AKAP9: variants seen among roughly 807,000 people sequenced by gnomAD.
The protein encoded by AKAP9 is A-kinase anchoring protein 9, also known as A-kinase anchor protein 9.
A neutral mutation model predicts 488.5 loss-of-function variants in AKAP9; 311 were observed. That is an observed-to-expected ratio of 0.64 (90% CI 0.58 to 0.70). AKAP9 has a LOEUF of 0.70. Among genes scored for constraint, AKAP9 ranks in the 30% least tolerant of loss-of-function variants. AKAP9 has a pLI of 0.00. For synonymous variants in AKAP9, 1,462 were observed against 1,483.5 expected, an observed-to-expected ratio of 0.99 and a Z score of 0.33; for missense variants, 4,215 against 4,374.5, an observed-to-expected ratio of 0.96 and a Z score of 1.03.
chr7:91,941,501 C>T (rs544967254), intron 1 of AKAP9, among the ~76,000 whole-genome samples: 2 of 152,222 alleles, frequency 1.3e-5, no homozygotes, highest in East Asian at 3.9e-4. Context: ...GTGGTGCAGG[C>T]ATTGTGCTTT....
In AKAP9 at chr7:92,105,985, A is replaced by G. The variant is rs9690778; in HGVS notation, c.11416+222A>G. ...AATCCTATTGTGAACTGCACATGTGAGGAATCTAGGTTGTGTGCTCCTTAT... is the reference window on the plus strand; with the variant it reads ...AATCCTATTGTGAACTGCACATGTGGGGAATCTAGGTTGTGTGCTCCTTAT... On this transcript the variant is annotated intron_variant, in intron 47 of 49. Coordinates refer to ENST00000356239, the MANE Select transcript of AKAP9 (RefSeq NM_005751.5). Among the ~76,000 whole-genome samples the G allele has an allele frequency of 0.4, 60,807 of 152,070 alleles. 12,501 individuals carry two copies. Among genetic ancestry groups the G allele is most frequent in the African/African-American group, 0.47 (19,374 of 41,494 alleles).
intron 30 of AKAP9, among the ~76,000 whole-genome samples, chr7:92,078,396 C>T (rs1204964309): frequency 6.6e-6 from 1 of 151,978 alleles, no homozygotes; most frequent in Non-Finnish European, 1.5e-5. Context: ...CCTAGGTGGG[C>T]GGATTGCTTG....
intron 31 of AKAP9, 124 bp from the exon 32 acceptor site, chr7:92,082,398 G>T (rs959693597): frequency 2.9e-6 from 3 of 1,017,560 alleles, no homozygotes; most frequent in Admixed American, 4.7e-5. Context: ...GCATTGATTT[G>T]TTCCAACTCC....
At position 92,031,594 on chromosome 7, in the gene AKAP9, A is replaced by T. The variant is rs773257553; in HGVS notation, c.4328A>T (p.Glu1443Val). The T allele has an allele frequency of 2.5e-5, 40 of 1,607,534 alleles. No homozygotes were observed. Among genetic ancestry groups the T allele is most frequent in the Non-Finnish European group, 3.0e-5 (35 of 1,174,556 alleles). The change falls in exon 16 of 50, where the codon GAA (glutamate) becomes GTA (valine). Residue 1443 changes from glutamate to valine, a missense_variant. Coordinates refer to ENST00000356239, the MANE Select transcript of AKAP9 (RefSeq NM_005751.5). ...CAATACCAAGAACAATTAGAAGAAG[A>T]AGTAGCTAAGGTAGGCTTATAGCTT... ...EKQYQEQLEE[E>V]VAKVIVSMSI...
chr7:91,974,092 A>G (rs916985411), intron 2 of AKAP9, 124 bp downstream of exon 2: 16 of 1,148,448 alleles, frequency 1.4e-5, no homozygotes, highest in Non-Finnish European at 1.9e-5. Flanking sequence ...TTTTAGTAGT[A>G]TGGTAACTAA....
chr7:92,097,300 A>C lies in AKAP9; in HGVS notation c.10341A>C (p.Glu3447Asp). Residue 3447 changes from glutamate (E) to aspartate (D), a missense_variant, in exon 41 of 50, where the codon GAA becomes GAC. Glu to Asp is a conservative substitution (Grantham distance 45, BLOSUM62 2). Transcript: ENST00000356239. ...TCATGCAGGAATTCCAGAAGCAAGAACTAGAACGAGAAGAAAAACGAGAAA... is the reference window on the plus strand; with the variant it reads ...TCATGCAGGAATTCCAGAAGCAAGACCTAGAACGAGAAGAAAAACGAGAAA... ...QGIMQEFQKQ[E>D]LEREEKRESR... 6.2e-7 allele frequency: 1 copy of C among 1,613,930 alleles called. No homozygotes were observed. The highest frequency in any genetic ancestry group is 8.5e-7 in the Non-Finnish European group (1 of 1,180,022).
chr7:92,030,738 T>A (rs1804094014), intron 15 of AKAP9, among the ~76,000 whole-genome samples: 1 of 151,892 alleles, frequency 6.6e-6, no homozygotes, highest in African/African-American at 2.4e-5. Context: ...CCGTATGGTA[T>A]ATAAAAAAGT....
chr7:92,053,569 T>C (rs1808328494), intron 22 of AKAP9, among the ~76,000 whole-genome samples: 1 of 152,204 alleles, frequency 6.6e-6, no homozygotes, highest in Non-Finnish European at 1.5e-5. Context: ...ATAGCAGCTG[T>C]CTGCTTATGT....
chr7:91,957,938 G>A (rs763601555), intron 1 of AKAP9, among the ~76,000 whole-genome samples: 8 of 151,818 alleles, frequency 5.3e-5, no homozygotes, highest in African/African-American at 1.5e-4. Flanking sequence ...CTGTTCTGAC[G>A]TACAGCACAT....
rs538180896 is a variant in AKAP9 at position 91,997,307 on chromosome 7, C to T, written c.930+1507C>T. Among the ~76,000 whole-genome samples, 7 of 152,176 alleles carry T rather than the reference C, an allele frequency of 4.6e-5. No individual in the cohort carries two copies. In the East Asian group the frequency reaches 1.4e-3, roughly 29 times the overall value. ...ACCACAAAACAGGGATAAGTGTGGG[C>T]AAAAAGTGCTTTGAAAGTTCTGAAT... is the stretch of plus-strand genomic sequence containing the variant. On this transcript the variant is annotated intron_variant, in intron 7 of 49. Transcript: ENST00000356239.
intron 45 of AKAP9, 90 bp from the exon 46 acceptor site, chr7:92,102,504 A>G (rs1004043964): frequency 2.0e-6 from 2 of 978,094 alleles, no homozygotes; most frequent in African/African-American, 1.6e-5. Flanking sequence ...CACCACCACC[A>G]CTACTTGTTA....
chr7:92,047,242 A>G (rs1477680099), intron 21 of AKAP9, among the ~76,000 whole-genome samples: 1 of 150,900 alleles, frequency 6.6e-6, no homozygotes, highest in African/African-American at 2.4e-5. Flanking sequence ...TTTCCTTTTG[A>G]GTCTCGCTCT....
rs568656873 is a variant in AKAP9, at chr7:91,997,939, A to G, written c.930+2139A>G. ...CTGAGATATTAGGGTCAGCTAAGGC[A>G]TTGGGGTCACAAATGAAATGGTCTT... is the stretch of plus-strand genomic sequence containing the variant. On this transcript the variant is annotated intron_variant, in intron 7 of 49. Coordinates refer to ENST00000356239, the MANE Select transcript of AKAP9 (RefSeq NM_005751.5). Among the ~76,000 whole-genome samples the G allele has an allele frequency of 9.0e-4, 137 of 152,286 alleles. 1 individual carries two copies. The highest frequency in any genetic ancestry group is 2.3e-3 in the South Asian group (11 of 4,822).
intron 7 of AKAP9, among the ~76,000 whole-genome samples, chr7:91,998,080 A>G (rs1798622200): frequency 6.6e-6 from 1 of 152,122 alleles, no homozygotes; most frequent in Admixed American, 6.5e-5. Flanking sequence ...GGCATTAGTT[A>G]GATTCACATA....
chr7:92,041,036 A>G (rs1806022499), intron 18 of AKAP9, 138 bp downstream of exon 18: 4 of 684,818 alleles, frequency 5.8e-6, no homozygotes, highest in Non-Finnish European at 1.0e-5. Context: ...ATCTGAATAA[A>G]CTACATATAT....
rs146305558 is a variant in AKAP9 at position 92,042,176 on chromosome 7, C to T, written c.5048C>T (p.Thr1683Met). ...TGTTGTGAGCTGCGCAACAGCAGTA[C>T]GCAAACACAGGTAGTATGGACTTTG... ...KLCCELRNSS[T>M]QTQNGNENQG... Residue 1683 changes from threonine (T) to methionine (M), a missense_variant, in exon 19 of 50, where the codon ACG (threonine) becomes ATG (methionine). Thr to Met is a moderately conservative substitution (Grantham distance 81). Transcript: ENST00000356239. The T allele has an allele frequency of 2.8e-4, 448 of 1,613,784 alleles. No individual in the cohort carries two copies. Among genetic ancestry groups the T allele is most frequent in the Non-Finnish European group, 3.5e-4 (408 of 1,179,790 alleles).
chr7:91,973,775 A>G lies in AKAP9; in HGVS notation c.113A>G (p.Lys38Arg). 1 of 1,614,146 alleles carries G rather than the reference A, an allele frequency of 6.2e-7. No homozygotes were observed. The highest frequency in any genetic ancestry group is 8.5e-7 in the Non-Finnish European group (1 of 1,180,020). Reference sequence around the variant, plus strand: ...CAGAGTCCTTCCAAGAAGCAGAAAAAAAAGAGAAAAACGTCAAGCAGTAAA... The same window carrying G: ...CAGAGTCCTTCCAAGAAGCAGAAAAGAAAGAGAAAAACGTCAAGCAGTAAA... ...DGQSPSKKQKKKRKTSSSKHD... is the reference protein window; with the variant it reads ...DGQSPSKKQKRKRKTSSSKHD... The change falls in exon 2 of 50, where the codon AAA becomes AGA. Residue 38 changes from lysine to arginine, a missense_variant. Physicochemically the swap from Lys to Arg is conservative, Grantham distance 26. This residue lies in a region of AKAP9 where 2,361 missense variants were observed against 2,430.0 expected (regional missense o/e 0.97). Coordinates refer to ENST00000356239, the MANE Select transcript of AKAP9 (RefSeq NM_005751.5).
chr7:92,102,634 A>G lies in AKAP9; in HGVS notation c.11138A>G (p.Lys3713Arg). 3 of 1,614,198 alleles carry G rather than the reference A, an allele frequency of 1.9e-6. No individual in the cohort carries two copies. Among genetic ancestry groups the G allele is most frequent in the Non-Finnish European group, 2.5e-6 (3 of 1,180,038 alleles). Residue 3713 changes from lysine to arginine, a missense_variant, in exon 46 of 50, where the codon AAG becomes AGG. By Grantham distance (26) the Lys-to-Arg change is conservative. Around this residue, in one of 5 missense-constraint regions of AKAP9, gnomAD observed 253 missense variants for 266.8 expected, o/e 0.95. Transcript: ENST00000356239. Reference protein sequence around the residue: ...GKYLRAESFRKALIYQKKYLL... With the variant: ...GKYLRAESFRRALIYQKKYLL... Reference sequence around the variant, plus strand: ...TACTTGAGGGCAGAAAGTTTTCGAAAGGCTCTCATTTACCAGAAGAAATAC... The same window carrying G: ...TACTTGAGGGCAGAAAGTTTTCGAAGGGCTCTCATTTACCAGAAGAAATAC...
intron 22 of AKAP9, among the ~76,000 whole-genome samples, chr7:92,053,925 A>C (rs1808374534): frequency 6.6e-6 from 1 of 152,156 alleles, no homozygotes; most frequent in Admixed American, 6.6e-5. Flanking sequence ...AGAACCACTA[A>C]TCTGTGGATT....
Sources: gnomAD v4.1 joint callset for allele counts (sites outside exome capture counted in the v4.1 genomes callset) on GRCh38, gnomAD v4.1.1 for gene constraint, gnomAD v4.1.1 regional missense constraint, MANE v1.5 for transcripts, NCBI Gene and HGNC (gene_info 2026-07-23, HGNC 2026-07-21) for gene names.